The following PCDHA5 variants were observed in gnomAD, a reference collection of about 807,000 sequenced individuals.
The protein encoded by PCDHA5 is protocadherin alpha 5.
PCDHA5 carries 43 observed loss-of-function variants against 61.6 expected under a neutral mutation model. The ratio of observed to expected loss-of-function variants is 0.70; its 90% CI spans 0.55 to 0.90. The LOEUF (loss-of-function observed/expected upper bound fraction) is 0.90. Among genes scored for constraint, PCDHA5 ranks in the 40% least tolerant of loss-of-function variants. The pLI is 0.00. For synonymous variants in PCDHA5, 627 were observed against 543.9 expected, an observed-to-expected ratio of 1.15 and a Z score of -2.13; for missense variants, 1,298 against 1,222.7, an observed-to-expected ratio of 1.06 and a Z score of -0.92.
intron 1 of PCDHA5, among the ~76,000 whole-genome samples, chr5:140,908,224 C>T (rs2073867832): frequency 6.6e-6 from 1 of 152,160 alleles, no homozygotes; most frequent in Admixed American, 6.5e-5. Flanking sequence ...GTGAACCAGT[C>T]CTTAGTCTTC....
chr5:140,936,547 A>G (rs1554211059), intron 1 of PCDHA5, among the ~76,000 whole-genome samples: 1 of 152,240 alleles, frequency 6.6e-6, no homozygotes, highest in East Asian at 1.9e-4. Context: ...AGTGCAATGT[A>G]GAAGTCAAGA....
intron 1 of PCDHA5, among the ~76,000 whole-genome samples, chr5:140,950,508 C>T (rs1442075303): frequency 6.6e-6 from 1 of 152,016 alleles, no homozygotes; most frequent in African/African-American, 2.4e-5. Context: ...TCATTATTCC[C>T]TGTGTGCGAT....
At chr5:140,966,808 A>G (rs782040625) in intron 1 of PCDHA5, 5 of 1,548,024 alleles carry the variant, frequency 3.2e-6, no homozygotes, top group Non-Finnish European at 4.3e-6. Context: ...CAGAGCATCC[A>G]CGGCTCCGGC....
chr5:140,867,560 C>A (rs1352328708), intron 1 of PCDHA5: 1 of 152,070 alleles, frequency 6.6e-6, no homozygotes, highest in African/African-American at 2.4e-5. Context: ...CATATGATAA[C>A]TTTTTCATAT....
chr5:140,895,772 C>T (rs1554186642), intron 1 of PCDHA5, among the ~76,000 whole-genome samples: 1 of 152,072 alleles, frequency 6.6e-6, no homozygotes, highest in Non-Finnish European at 1.5e-5. Flanking sequence ...TTTATGGCTG[C>T]ATAGTATTCA....
At position 141,010,264 on chromosome 5, in the gene PCDHA5, G is replaced by A. The variant is rs1265692233; in HGVS notation, c.*327G>A. On this transcript the variant is annotated 3_prime_UTR_variant, in exon 4 of 4. Transcript: ENST00000529859. ...GGTTGGACTCTCTGCCCTGTGCTCC[G>A]GGGATCCTGTCTTGATGACACTTGC... The A allele has an allele frequency of 1.4e-5, 22 of 1,551,586 alleles. No individual in the cohort carries two copies. The highest frequency in any genetic ancestry group is 1.1e-4 in the South Asian group (9 of 84,060).
intron 3 of PCDHA5, among the ~76,000 whole-genome samples, chr5:141,005,731 A>AC (rs2098235322): frequency 6.7e-6 from 1 of 149,106 alleles, no homozygotes; most frequent in Non-Finnish European, 1.5e-5. Flanking sequence ...AAAAAAAAAA[A>AC]GAATGGATGA....
chr5:140,875,173 A>G (rs567403390), intron 1 of PCDHA5: 75 of 394,970 alleles, frequency 1.9e-4, no homozygotes, highest in Non-Finnish European at 2.9e-4. Context: ...AAGTCGAAAC[A>G]TTAGAATTAA....
At chr5:140,860,134 T>C (rs1179708512) in intron 1 of PCDHA5, 1 of 150,772 alleles carries the variant, frequency 6.6e-6, no homozygotes, top group African/African-American at 2.4e-5. Flanking sequence ...TGTGTGTGTG[T>C]ATATATATGT....
intron 1 of PCDHA5, chr5:140,830,206 C>G (rs2150182712): frequency 1.2e-6 from 2 of 1,613,782 alleles, no homozygotes; most frequent in Middle Eastern, 1.7e-4. Context: ...TCGCCATCTG[C>G]GCGGTATCCA....
At chr5:141,000,419 ATATTTTTT>A (rs1194100555) in intron 3 of PCDHA5, among the ~76,000 whole-genome samples, 4 of 60,996 alleles carry the variant, frequency 6.6e-5, no homozygotes, top group African/African-American at 2.3e-4. Flanking sequence ...ATATATATAT[ATATTTTTT>A]TTTTTTTTTT....
rs200919454 is a variant in PCDHA5 at position 140,828,210 on chromosome 5, A to C, written c.2352+4083A>C. The C allele has an allele frequency of 4.6e-5, 74 of 1,613,938 alleles. No individual in the cohort carries two copies. The highest frequency in any genetic ancestry group is 5.9e-5 in the Non-Finnish European group (70 of 1,180,054). ...CACTACTCCGTACCCGAGGAGGCCA[A>C]ACACGGCACCTTCGTGGGCCGGATC... On this transcript the variant is annotated intron_variant, in intron 1 of 3. Coordinates refer to ENST00000529859, the MANE Select transcript of PCDHA5 (RefSeq NM_018908.3).
At chr5:141,004,952 C>T (rs543938360) in intron 3 of PCDHA5, among the ~76,000 whole-genome samples, 52 of 152,346 alleles carry the variant, frequency 3.4e-4, no homozygotes, top group African/African-American at 1.2e-3. Context: ...TACCCTCTCT[C>T]GTCACTGCCT....
At chr5:140,919,012 C>T (rs1411489160) in intron 1 of PCDHA5, among the ~76,000 whole-genome samples, 1 of 152,164 alleles carries the variant, frequency 6.6e-6, no homozygotes, top group Non-Finnish European at 1.5e-5. Flanking sequence ...CTTTCATTTC[C>T]TAGTGATCTT....
chr5:140,892,952 AT>A (rs1327610333), intron 1 of PCDHA5, among the ~76,000 whole-genome samples: 1 of 152,154 alleles, frequency 6.6e-6, no homozygotes, highest in African/African-American at 2.4e-5. Context: ...TACTACTTCC[AT>A]GAGCTCAATA....
chr5:140,936,834 T>TA (rs1554211213), intron 1 of PCDHA5, among the ~76,000 whole-genome samples: 1 of 152,210 alleles, frequency 6.6e-6, no homozygotes, highest in African/African-American at 2.4e-5. Context: ...CATTTCTATA[T>TA]AAATTGTAGA....
At chr5:140,884,213 G>C in intron 1 of PCDHA5, 1 of 1,613,532 alleles carries the variant, frequency 6.2e-7, no homozygotes, top group East Asian at 2.2e-5. Flanking sequence ...CCGCCTTCTG[G>C]TGCTGGTGAA....
intron 1 of PCDHA5, among the ~76,000 whole-genome samples, chr5:140,940,939 C>T (rs930086780): frequency 2.0e-5 from 3 of 152,154 alleles, no homozygotes; most frequent in African/African-American, 2.4e-5. Context: ...ACTTAGACTA[C>T]GTATTCTCAG....
At chr5:140,841,597 C>G (rs2150318902) in intron 1 of PCDHA5, 20 of 1,614,072 alleles carry the variant, frequency 1.2e-5, no homozygotes, top group East Asian at 2.2e-5. Context: ...GGATCGACCG[C>G]GAGGAGCTGT....
Sources: gnomAD v4.1 joint callset for allele counts (sites outside exome capture counted in the v4.1 genomes callset) on GRCh38, gnomAD v4.1.1 for gene constraint, MANE v1.5 for transcripts, NCBI Gene and HGNC (gene_info 2026-07-23, HGNC 2026-07-21) for gene names.